Variants in NINL observed in about 807,000 individuals in gnomAD.
The protein encoded by NINL is ninein-like protein.
In NINL, 153 loss-of-function variants were observed where a neutral mutation model predicts 160.3. The observed-to-expected ratio is 0.95, with a 90% CI of 0.84 to 1.09. The LOEUF is 1.09. Among genes scored for constraint, NINL ranks in the 50% least tolerant of loss-of-function variants. NINL has a pLI of 0.00. For synonymous variants in NINL, 800 were observed against 734.8 expected, an observed-to-expected ratio of 1.09 and a Z score of -1.43; for missense variants, 1,829 against 1,764.0, an observed-to-expected ratio of 1.04 and a Z score of -0.66.
rs772333856 is a variant in NINL at position 25,476,914 on chromosome 20, C to A, written c.2377G>T (p.Glu793Ter). 1.9e-5 allele frequency: 30 copies of A among 1,612,752 alleles called. No homozygotes were observed. Among genetic ancestry groups the A allele is most frequent in the Non-Finnish European group, 2.5e-5 (30 of 1,179,918 alleles). Residue 793 changes from glutamate to a stop codon, truncating the protein, a stop_gained, in exon 17 of 24, where the codon GAG becomes TAG. Transcript: ENST00000278886. LOFTEE classifies it high-confidence loss of function. ...GATACGCACATCTGGGCGCGCTTCT[C>A]GCTCGCACAGGGCTGCAGCTTCAGT... ...RALKLQPCASEKRAQMCVSLA... is the reference protein window; with the variant it reads ...RALKLQPCAS
At chr20:25,464,653 G>A (rs563106592) in intron 19 of NINL, among the ~76,000 whole-genome samples, 3 of 152,182 alleles carry the variant, frequency 2.0e-5, no homozygotes, top group East Asian at 1.9e-4. Context: ...GCTCTCACGC[G>A]GCTGCTGTGC....
chr20:25,465,816 C>T (rs1003436823), intron 19 of NINL, among the ~76,000 whole-genome samples: 9 of 152,140 alleles, frequency 5.9e-5, no homozygotes, highest in African/African-American at 2.2e-4. Context: ...CTGCACCCTA[C>T]TGCCAGCAAC....
chr20:25,539,684 C>T (rs1013895202), intron 1 of NINL, among the ~76,000 whole-genome samples: 15 of 152,186 alleles, frequency 9.9e-5, no homozygotes, highest in Non-Finnish European at 1.6e-4. Context: ...CTTGGAAATA[C>T]AACCAATGCA....
chr20:25,562,849 A>T (rs1057300972), intron 1 of NINL, among the ~76,000 whole-genome samples: 2 of 152,168 alleles, frequency 1.3e-5, no homozygotes, highest in African/African-American at 4.8e-5. Flanking sequence ...CTGGAGTTTC[A>T]GGAATAAAGG....
At chr20:25,482,784 G>A (rs1373240294) in intron 13 of NINL, among the ~76,000 whole-genome samples, 1 of 152,038 alleles carries the variant, frequency 6.6e-6, no homozygotes, top group African/African-American at 2.4e-5. Context: ...AACATTCTGG[G>A]AGGCCCAGAT....
intron 7 of NINL, among the ~76,000 whole-genome samples, chr20:25,501,779 T>C (rs2063872574): frequency 6.6e-6 from 1 of 152,146 alleles, no homozygotes. Context: ...ACCATAGGCA[T>C]GTGCAACCGC....
rs1249331069 is a variant in NINL at position 25,496,514 on chromosome 20, C to CT, written c.1310+148dup. The CT allele has an allele frequency of 3.2e-6, 3 of 951,156 alleles. No individual in the cohort carries two copies. In the African/African-American group the frequency reaches 4.9e-5, roughly 16 times the overall value. 58.9% of individuals were successfully genotyped at this position (951,156 alleles called of 1,614,324 possible). ...TGCTGCTTTCTCAAGGCTGTGCCCC[C>CT]TGGATTCCCCCTGACTCAGGTGAAA... On this transcript the variant is annotated intron_variant, in intron 10 of 23. Coordinates refer to ENST00000278886, the MANE Select transcript of NINL (RefSeq NM_025176.6).
At chr20:25,504,828 A>G (rs1393827266) in intron 6 of NINL, 60 bp downstream of exon 6, 1 of 1,573,562 alleles carries the variant, frequency 6.4e-7, no homozygotes. Flanking sequence ...TTCCAGACCC[A>G]ACACTAAACC....
At chr20:25,523,586 C>T (rs568398545) in intron 2 of NINL, among the ~76,000 whole-genome samples, 12 of 151,920 alleles carry the variant, frequency 7.9e-5, no homozygotes, top group African/African-American at 2.9e-4. Flanking sequence ...GTATCAGTAA[C>T]GTTTATATAA....
intron 1 of NINL, among the ~76,000 whole-genome samples, chr20:25,543,549 CTAAG>C (rs1342522360): frequency 6.6e-6 from 1 of 152,170 alleles, no homozygotes; most frequent in Non-Finnish European, 1.5e-5. Context: ...CTTTCGACGC[CTAAG>C]TAACAAAAGG....
At chr20:25,485,052 T>A (rs2063480276) in intron 13 of NINL, among the ~76,000 whole-genome samples, 1 of 152,108 alleles carries the variant, frequency 6.6e-6, no homozygotes, top group Non-Finnish European at 1.5e-5. Context: ...ACGGGAACGT[T>A]GCTATGAAAA....
At chr20:25,495,840 TAAAC>T (rs1375732880) in intron 10 of NINL, among the ~76,000 whole-genome samples, 1 of 152,130 alleles carries the variant, frequency 6.6e-6, no homozygotes, top group East Asian at 1.9e-4. Context: ...GTTGTATCCT[TAAAC>T]AAAACAAATC....
chr20:25,503,955 G>C lies in NINL; in HGVS notation c.858C>G (p.Tyr286Ter). 1 of 1,614,126 alleles carries C rather than the reference G, an allele frequency of 6.2e-7. No individual in the cohort carries two copies. Among genetic ancestry groups the C allele is most frequent in the Non-Finnish European group, 8.5e-7 (1 of 1,179,994 alleles). The stretch of plus-strand genomic sequence containing the variant: ...GGATTTAACTGTTGCATTTTACCTG[G>C]TAATGAGACCAAGCCTTGCTCGGTT... ...RVKPSKAWSH[Y>*]QVPEESGCHT... is the part of the protein sequence containing the mutation. Residue 286 changes from tyrosine to a stop codon, truncating the protein, a stop_gained, in exon 7 of 24, where the codon TAC (tyrosine) becomes TAG (stop). Coordinates refer to ENST00000278886, the MANE Select transcript of NINL (RefSeq NM_025176.6). LOFTEE classifies it high-confidence loss of function.
intron 1 of NINL, among the ~76,000 whole-genome samples, chr20:25,571,554 T>C (rs1474936569): frequency 1.3e-5 from 2 of 152,162 alleles, no homozygotes; most frequent in South Asian, 2.1e-4. Flanking sequence ...ACTTGGAAAC[T>C]CTTCATGGAA....
chr20:25,464,696 C>T (rs1021790340), intron 19 of NINL, among the ~76,000 whole-genome samples: 2 of 152,170 alleles, frequency 1.3e-5, no homozygotes, highest in African/African-American at 4.8e-5. Flanking sequence ...CCTTGATGTC[C>T]CCACACTTCA....
chr20:25,555,398 A>T (rs1255851389), intron 1 of NINL, among the ~76,000 whole-genome samples: 2 of 152,246 alleles, frequency 1.3e-5, no homozygotes, highest in African/African-American at 4.8e-5. Context: ...TATTTACACA[A>T]TATACCATGG....
At chr20:25,535,579 T>C (rs993751778) in intron 1 of NINL, among the ~76,000 whole-genome samples, 3 of 152,222 alleles carry the variant, frequency 2.0e-5, no homozygotes. Flanking sequence ...TCTAGAGATC[T>C]GTTACAAAAC....
intron 1 of NINL, among the ~76,000 whole-genome samples, chr20:25,558,737 G>T (rs1002323284): frequency 6.6e-6 from 1 of 152,192 alleles, no homozygotes; most frequent in African/African-American, 2.4e-5. Context: ...AGAGGTCCTT[G>T]TTCCCTTCAG....
At chr20:25,553,554 A>C (rs555457288) in intron 1 of NINL, among the ~76,000 whole-genome samples, 2 of 152,266 alleles carry the variant, frequency 1.3e-5, no homozygotes, top group Non-Finnish European at 2.9e-5. Flanking sequence ...TGTGTAACAC[A>C]GATGCATATT....
Sources: allele counts gnomAD v4.1 joint callset (sites outside exome capture counted in the v4.1 genomes callset), GRCh38; gene constraint gnomAD v4.1.1; transcripts MANE v1.5; gene names NCBI Gene and HGNC (gene_info 2026-07-23, HGNC 2026-07-21).